The following SV2C variants were observed in gnomAD, a reference collection of about 807,000 sequenced individuals.
SV2C encodes synaptic vesicle glycoprotein 2C.
In SV2C, 49 loss-of-function variants were observed where a neutral mutation model predicts 79.7. The observed-to-expected ratio is 0.61, with a 90% confidence interval of 0.49 to 0.78. The LOEUF (loss-of-function observed/expected upper bound fraction) is 0.78, where lower values mean the gene tolerates loss of function less well. SV2C is among the 30% of genes least tolerant of loss of function. SV2C has a pLI of 0.00. For missense variants in SV2C, 833 were observed against 912.9 expected, an observed-to-expected ratio of 0.91 and a Z score of 1.13; for synonymous variants, 334 against 333.2, an observed-to-expected ratio of 1.00 and a Z score of -0.03.
At chr5:75,949,025 T>A in the SV2C span, among the ~76,000 whole-genome samples, 5 of 151,866 alleles carry the variant, frequency 3.3e-5, no homozygotes, top group African/African-American at 9.7e-5. Flanking sequence ...TGGGGGTGGA[T>A]CCCTCATGGG....
intron 4 of SV2C, among the ~76,000 whole-genome samples, chr5:76,213,105 G>A (rs900758305): frequency 7.9e-5 from 12 of 152,108 alleles, no homozygotes; most frequent in South Asian, 2.1e-4. Flanking sequence ...ACCAGGTTAC[G>A]AAATGAGTAA....
At chr5:76,152,509 A>G (rs1011358760) in intron 2 of SV2C, among the ~76,000 whole-genome samples, 3 of 152,158 alleles carry the variant, frequency 2.0e-5, no homozygotes, top group Admixed American at 6.5e-5. Context: ...CATTTTATTT[A>G]TTTTTCCAAA....
the SV2C span, among the ~76,000 whole-genome samples, chr5:75,849,592 T>C: frequency 6.6e-6 from 1 of 152,254 alleles, no homozygotes; most frequent in Non-Finnish European, 1.5e-5. Flanking sequence ...CTGAGCTTTT[T>C]GATCAATCTT....
At chr5:76,117,218 G>A (rs1403880475) in intron 1 of SV2C, among the ~76,000 whole-genome samples, 1 of 152,124 alleles carries the variant, frequency 6.6e-6, no homozygotes, top group Non-Finnish European at 1.5e-5. Flanking sequence ...ATATATCATG[G>A]TTTTGAGAAA....
intron 1 of SV2C, among the ~76,000 whole-genome samples, chr5:76,106,968 A>G (rs1194455727): frequency 6.6e-6 from 1 of 152,232 alleles, no homozygotes; most frequent in Non-Finnish European, 1.5e-5. Context: ...AGTGCCTGAC[A>G]CACAGCAGTT....
At chr5:76,239,759 C>A (rs1745725358) in intron 4 of SV2C, among the ~76,000 whole-genome samples, 1 of 152,154 alleles carries the variant, frequency 6.6e-6, no homozygotes, top group Non-Finnish European at 1.5e-5. Flanking sequence ...ATCTGCAATG[C>A]CTTTCCTGAC....
At chr5:75,967,929 G>T in the SV2C span, among the ~76,000 whole-genome samples, 1 of 152,300 alleles carries the variant, frequency 6.6e-6, no homozygotes, top group Middle Eastern at 3.4e-3. Context: ...CCCAGTAGGG[G>T]CAGACTGAGA....
chr5:76,026,788 G>T, the SV2C span, among the ~76,000 whole-genome samples: 1 of 152,176 alleles, frequency 6.6e-6, no homozygotes, highest in South Asian at 2.1e-4. Context: ...GAGACCTGGA[G>T]ATTGTTCACA....
the SV2C span, among the ~76,000 whole-genome samples, chr5:76,050,904 C>A: frequency 6.6e-6 from 1 of 152,048 alleles, no homozygotes; most frequent in Non-Finnish European, 1.5e-5. Flanking sequence ...GGGAGGAATA[C>A]GTCCAAATCT....
the SV2C span, among the ~76,000 whole-genome samples, chr5:75,876,318 A>G: frequency 0.1 from 15,186 of 152,166 alleles, 787 homozygotes; most frequent in African/African-American, 0.13. Flanking sequence ...TAATGCAGGA[A>G]CAGAAAACCA....
At chr5:76,019,686 T>A in the SV2C span, among the ~76,000 whole-genome samples, 1 of 152,040 alleles carries the variant, frequency 6.6e-6, no homozygotes, top group Non-Finnish European at 1.5e-5. Context: ...GAGATTTGTG[T>A]CTTGTACGCA....
chr5:76,222,555 C>A lies in SV2C; in HGVS notation c.913+12668C>A, dbSNP rs1384737676. 2.0e-5 allele frequency among the ~76,000 whole-genome samples: 3 copies of A among 152,116 alleles called. No individual in the cohort carries two copies. The East Asian group carries it at 5.8e-4, about 29-fold the overall frequency. ...TGGTTTTCAATATGGTTATGTGAATCTACACATGTGATAAAATAAAACAGA... is the reference window on the plus strand; with the variant it reads ...TGGTTTTCAATATGGTTATGTGAATATACACATGTGATAAAATAAAACAGA... On this transcript the variant is annotated intron_variant, in intron 4 of 12. Coordinates refer to ENST00000502798, the MANE Select transcript of SV2C (RefSeq NM_014979.4).
At chr5:76,104,282 C>T (rs1316096114) in intron 1 of SV2C, among the ~76,000 whole-genome samples, 17 of 152,294 alleles carry the variant, frequency 1.1e-4, no homozygotes, top group Admixed American at 9.8e-4. Flanking sequence ...TCCAACAAAA[C>T]GCACTACAAC....
intron 2 of SV2C, among the ~76,000 whole-genome samples, chr5:76,174,830 C>A (rs1377415786): frequency 2.6e-5 from 4 of 152,218 alleles, no homozygotes; most frequent in African/African-American, 9.6e-5. Context: ...TCCTCCTGTT[C>A]ATCTAGCCCA....
chr5:76,158,642 T>C (rs1228891146), intron 2 of SV2C, among the ~76,000 whole-genome samples: 1 of 151,844 alleles, frequency 6.6e-6, no homozygotes, highest in Non-Finnish European at 1.5e-5. Context: ...ATATAACAAC[T>C]AGGCAGAAAA....
At chr5:75,938,296 C>CT in the SV2C span, among the ~76,000 whole-genome samples, 1 of 100,804 alleles carries the variant, frequency 9.9e-6, no homozygotes, top group African/African-American at 4.8e-5. Context: ...TGAGAACTGC[C>CT]TGTATATGCT....
At chr5:76,353,356 T>C (rs2112594047) in exon 13 of SV2C, 1 of 220,518 alleles carries the variant, frequency 4.5e-6, no homozygotes, top group South Asian at 4.8e-5. Flanking sequence ...CTCTCTCTTT[T>C]GCCTTGTAGA....
the SV2C span, among the ~76,000 whole-genome samples, chr5:75,958,489 G>A: frequency 1.3e-5 from 2 of 151,836 alleles, no homozygotes; most frequent in Admixed American, 6.6e-5. Flanking sequence ...CTGTTGTAGC[G>A]ACATTGCTTC....
the SV2C span, among the ~76,000 whole-genome samples, chr5:75,915,687 G>A: frequency 6.6e-6 from 1 of 152,208 alleles, no homozygotes; most frequent in African/African-American, 2.4e-5. Flanking sequence ...GGTCCACTTG[G>A]AGAGACAGGA....
Sources: gnomAD v4.1 joint callset for allele counts (sites outside exome capture counted in the v4.1 genomes callset) on GRCh38, gnomAD v4.1.1 for gene constraint, MANE v1.5 for transcripts, NCBI Gene and HGNC (gene_info 2026-07-23, HGNC 2026-07-21) for gene names.